The following PCNX4 variants were observed in gnomAD, a reference collection of about 807,000 sequenced individuals.
The protein encoded by PCNX4 is pecanex 4.
Under a neutral mutation model 107.2 loss-of-function variants are expected in PCNX4, and 103 were observed. The ratio of observed to expected loss-of-function variants is 0.96; its 90% CI spans 0.82 to 1.13. PCNX4 has a LOEUF of 1.13. Ranked by LOEUF, PCNX4 falls within the 50% of genes most tolerant of loss-of-function variation. PCNX4 has a pLI of 0.00. For missense variants in PCNX4, 1,528 were observed against 1,379.4 expected (o/e 1.11, Z -1.71); for synonymous variants, 541 against 481.7 (o/e 1.12, Z -1.61).
At chr14:60,093,137 A>G (rs1895341555) in intron 1 of PCNX4, among the ~76,000 whole-genome samples, 1 of 152,172 alleles carries the variant, frequency 6.6e-6, no homozygotes, top group Non-Finnish European at 1.5e-5. Flanking sequence ...CTGCTCCTAA[A>G]TTTCCTACTT....
intron 1 of PCNX4, among the ~76,000 whole-genome samples, chr14:60,101,697 T>TA (rs34588901): frequency 0.74 from 112,168 of 151,622 alleles, 43,862 homozygotes; most frequent in Non-Finnish European, 0.87. Flanking sequence ...TCTCAAAATA[T>TA]AAAAAAAATA....
intron 1 of PCNX4, among the ~76,000 whole-genome samples, chr14:60,100,784 G>T (rs1895515517): frequency 6.6e-6 from 1 of 152,056 alleles, no homozygotes; most frequent in Non-Finnish European, 1.5e-5. Flanking sequence ...TCTGACTCTG[G>T]CATAACAAGG....
Position 60,108,276 on chromosome 14 carries a change from T to C in PCNX4, c.638T>C (p.Leu213Pro). 5 of 1,611,708 alleles carry C rather than the reference T, an allele frequency of 3.1e-6. No individual in the cohort carries two copies. Among genetic ancestry groups the C allele is most frequent in the Non-Finnish European group, 4.2e-6 (5 of 1,179,596 alleles). ...CAGGATACTTATGAAATTATTCCTC[T>C]TATGAGACCTCTTTATATTTTTTTC... ...QTQDTYEIIPLMRPLYIFFFV... is the reference protein window; with the variant it reads ...QTQDTYEIIPPMRPLYIFFFV... The change falls in exon 2 of 11, where the codon CTT becomes CCT. Residue 213 changes from leucine (L) to proline (P), a missense_variant. Physicochemically the swap from Leu to Pro is moderately conservative, Grantham distance 98. Transcript: ENST00000406854.
chr14:60,112,958 C>T (rs371607374), intron 2 of PCNX4, among the ~76,000 whole-genome samples: 19 of 152,128 alleles, frequency 1.2e-4, no homozygotes, highest in African/African-American at 3.9e-4. Context: ...CCGAGGCAGG[C>T]GGATAACGAG....
At chr14:60,122,094 G>A (rs1431540327) in intron 8 of PCNX4, among the ~76,000 whole-genome samples, 1 of 152,062 alleles carries the variant, frequency 6.6e-6, no homozygotes, top group Non-Finnish European at 1.5e-5. Context: ...CGCCCAGTCC[G>A]ACAAGAAATC....
At chr14:60,128,684 T>TA (rs1307635284) in intron 10 of PCNX4, among the ~76,000 whole-genome samples, 2 of 152,148 alleles carry the variant, frequency 1.3e-5, no homozygotes, top group African/African-American at 4.8e-5. Context: ...TGTGTAATTA[T>TA]AAAAAACAAT....
rs1895891792 is a variant in PCNX4, at chr14:60,118,399, C to T, written c.1649C>T (p.Thr550Ile). 6.2e-7 allele frequency: 1 copy of T among 1,613,326 alleles called. No individual in the cohort carries two copies. Among genetic ancestry groups the T allele is most frequent in the African/African-American group, 1.3e-5 (1 of 75,024 alleles). Reference protein sequence around the residue: ...KLQFAVTVLLTSWTEKKQRRK... With the variant: ...KLQFAVTVLLISWTEKKQRRK... ...CAGTTTGCCGTGACTGTGCTTTTGA[C>T]ATCATGGACAGAGAAAAAACAACGT... Residue 550 changes from threonine to isoleucine, a missense_variant, in exon 7 of 11, where the codon ACA becomes ATA. Coordinates refer to ENST00000406854, the MANE Select transcript of PCNX4 (RefSeq NM_001330177.2).
intron 1 of PCNX4, among the ~76,000 whole-genome samples, chr14:60,098,048 A>C (rs1895459363): frequency 6.6e-6 from 1 of 152,112 alleles, no homozygotes; most frequent in African/African-American, 2.4e-5. Flanking sequence ...ATCAAAACCC[A>C]CCAAAATCCA....
intron 7 of PCNX4, among the ~76,000 whole-genome samples, chr14:60,120,518 T>C (rs1469586656): frequency 6.6e-6 from 1 of 152,214 alleles, no homozygotes; most frequent in Admixed American, 6.5e-5. Context: ...ATGTTAACAC[T>C]GTTCTGAACC....
intron 8 of PCNX4, among the ~76,000 whole-genome samples, chr14:60,122,327 T>C (rs1047904763): frequency 4.6e-5 from 7 of 152,162 alleles, no homozygotes; most frequent in Non-Finnish European, 1.0e-4. Flanking sequence ...GATCTCTTCT[T>C]TCATTTAGAG....
chr14:60,140,627 C>T lies in PCNX4; in HGVS notation c.*6406C>T. The T allele has an allele frequency of 6.6e-6, 1 of 151,950 alleles. No individual in the cohort carries two copies. Among genetic ancestry groups the T allele is most frequent in the Non-Finnish European group, 1.5e-5 (1 of 67,996 alleles). The allele number at this position is 151,950 out of a possible 1,614,324, so 9.4% of individuals were successfully genotyped here. A position where few individuals can be genotyped will look rare whatever the true frequency, so the allele number is the denominator to read the frequency against. On this transcript the variant is annotated 3_prime_UTR_variant, in exon 11 of 11. Coordinates refer to ENST00000406854, the MANE Select transcript of PCNX4 (RefSeq NM_001330177.2). This position sits in a 1 kb window ranked among gnomAD's most constrained non-coding sequence, Gnocchi z 4.2. ...ACACACACACACACACACCCCTACACACACAGAATAATCACAATCAAGTTG... is the reference window on the plus strand; with the variant it reads ...ACACACACACACACACACCCCTACATACACAGAATAATCACAATCAAGTTG...
chr14:60,108,124 A>G lies in PCNX4; in HGVS notation c.486A>G (p.Arg162=), dbSNP rs775260419. 5.6e-6 allele frequency: 9 copies of G among 1,612,748 alleles called. No homozygotes were observed. The highest frequency in any genetic ancestry group is 7.6e-6 in the Non-Finnish European group (9 of 1,179,886). Residue 162 remains arginine, a synonymous_variant, in exon 2 of 11, where the codon AGA becomes AGG. Coordinates refer to ENST00000406854, the MANE Select transcript of PCNX4 (RefSeq NM_001330177.2). ...GAACATGGTATCTGCTCCCAAATAG[A>G]ATAACCTTGCTGTATGGCAGTACAG... is the stretch of plus-strand genomic sequence containing the variant. The part of the protein sequence containing the change: ...GLGTWYLLPN[R]ITLLYGSTGG...
intron 1 of PCNX4, among the ~76,000 whole-genome samples, chr14:60,102,642 G>C (rs1240199041): frequency 6.6e-6 from 1 of 152,154 alleles, no homozygotes; most frequent in African/African-American, 2.4e-5. Context: ...AATTAGTGTT[G>C]TGATGTCATC....
chr14:60,131,128 C>T lies in PCNX4; in HGVS notation c.3268-2842C>T, dbSNP rs998782135. ...CCATGAAACCACCCCGATCTTGGAC[C>T]TCCCAGCCTCTAGAACTATGAGAAA... On this transcript the variant is annotated intron_variant, in intron 10 of 10. Coordinates refer to ENST00000406854, the MANE Select transcript of PCNX4 (RefSeq NM_001330177.2). Among the ~76,000 whole-genome samples, 4 of 152,132 alleles carry T rather than the reference C, an allele frequency of 2.6e-5. No individual in the cohort carries two copies. The South Asian group carries it at 8.3e-4, about 32-fold the overall frequency.
intron 1 of PCNX4, among the ~76,000 whole-genome samples, chr14:60,093,465 CT>C (rs1895352018): frequency 6.6e-6 from 1 of 152,070 alleles, no homozygotes; most frequent in South Asian, 2.1e-4. Flanking sequence ...AATATGTGGC[CT>C]TTTGTAACGG....
Position 60,136,292 on chromosome 14 carries a change from C to G in PCNX4, c.*2071C>G, listed in dbSNP as rs1266186946. ...GCAACTCCTCAAACATCTTTGCTGC[C>G]TCTCCTCTTCTACCTGACCTCTAAA... On this transcript the variant is annotated 3_prime_UTR_variant, in exon 11 of 11. Transcript: ENST00000406854. 6.6e-6 allele frequency: 1 copy of G among 152,004 alleles called. No homozygotes were observed. Among genetic ancestry groups the G allele is most frequent in the Non-Finnish European group, 1.5e-5 (1 of 68,016 alleles). The allele number at this position is 152,004 out of a possible 1,614,324, so 9.4% of individuals were successfully genotyped here.
intron 1 of PCNX4, among the ~76,000 whole-genome samples, chr14:60,098,242 A>G (rs960567302): frequency 2.0e-5 from 3 of 152,096 alleles, no homozygotes; most frequent in Non-Finnish European, 2.9e-5. Flanking sequence ...CAACCCTACC[A>G]TAAGCTTCTC....
intron 6 of PCNX4, 81 bp from the exon 7 acceptor site, chr14:60,118,248 G>A: frequency 1.4e-6 from 2 of 1,399,898 alleles, no homozygotes; most frequent in Non-Finnish European, 1.9e-6. Flanking sequence ...TAAAATTACT[G>A]TATAGTCTGT....
chr14:60,104,318 C>CAAAAAAAAAAAAA (rs200434027), intron 1 of PCNX4, among the ~76,000 whole-genome samples: 2 of 129,566 alleles, frequency 1.5e-5, no homozygotes, highest in African/African-American at 7.0e-5. Context: ...GACTCCATCT[C>CAAAAAAAAAAAAA]AAAAAAAAAA....
Sources: gnomAD v4.1 joint callset for allele counts (sites outside exome capture counted in the v4.1 genomes callset) on GRCh38, gnomAD v4.1.1 for gene constraint, Gnocchi (gnomAD v3.1) non-coding constraint, MANE v1.5 for transcripts, NCBI Gene and HGNC (gene_info 2026-07-23, HGNC 2026-07-21) for gene names.